The following C10orf90 variants were observed in gnomAD, a reference collection of about 807,000 sequenced individuals.
The protein encoded by C10orf90 is chromosome 10 open reading frame 90, also known as (E2-independent) E3 ubiquitin-conjugating enzyme FATS.
A neutral mutation model predicts 62.5 loss-of-function variants in C10orf90; 56 were observed. That is an observed-to-expected ratio of 0.90 (90% CI 0.72 to 1.12). The LOEUF (loss-of-function observed/expected upper bound fraction) is 1.12. Among genes scored for constraint, C10orf90 ranks in the 50% most tolerant of loss-of-function variants. C10orf90 has a pLI of 0.00. For missense variants in C10orf90, 970 were observed against 880.4 expected (o/e 1.10, Z -1.29); for synonymous variants, 386 against 340.4 (o/e 1.13, Z -1.47).
chr10:126,523,507 A>G (rs1863837772), intron 2 of C10orf90: 1 of 152,186 alleles, frequency 6.6e-6, no homozygotes, highest in Non-Finnish European at 1.5e-5. Flanking sequence ...ACATAAAGAG[A>G]TATTTTTCCA....
chr10:126,565,320 ATTATATATTTATATT>A (rs1844343019), intron 2 of C10orf90, among the ~76,000 whole-genome samples: 1 of 59,504 alleles, frequency 1.7e-5, no homozygotes, highest in Non-Finnish European at 2.8e-5. Flanking sequence ...TATTATATAT[ATTATATATTTATATT>A]ATATATAATA....
chr10:126,643,778 G>A (rs1453461529), intron 2 of C10orf90, among the ~76,000 whole-genome samples: 1 of 152,148 alleles, frequency 6.6e-6, no homozygotes, highest in African/African-American at 2.4e-5. Flanking sequence ...TCTGTTCTCT[G>A]GGTTTCCCAA....
chr10:126,494,300 A>G (rs1199591812), intron 4 of C10orf90, among the ~76,000 whole-genome samples: 1 of 152,134 alleles, frequency 6.6e-6, no homozygotes, highest in Non-Finnish European at 1.5e-5. Flanking sequence ...GTATTTATAA[A>G]TGGGAAAGGT....
rs546479205 is a variant in C10orf90 at position 126,523,199 on chromosome 10, C to A, written c.314-9260G>T. 1.8e-4 allele frequency among the ~76,000 whole-genome samples: 27 copies of A among 152,276 alleles called. 1 individual carries two copies. The highest frequency in any genetic ancestry group is 5.8e-4 in the African/African-American group (24 of 41,550). ...AGCACAGTCTTCTGGCCCTTGGCAGCCAGGGTGGGTTGTTCCAGCTTTGCT... is the reference window on the plus strand; with the variant it reads ...AGCACAGTCTTCTGGCCCTTGGCAGACAGGGTGGGTTGTTCCAGCTTTGCT... On this transcript the variant is annotated intron_variant, in intron 2 of 9. Coordinates refer to ENST00000488181, the MANE Select transcript of C10orf90 (RefSeq NM_001350921.2).
intron 2 of C10orf90, among the ~76,000 whole-genome samples, chr10:126,643,731 G>T (rs1163463543): frequency 6.6e-6 from 1 of 152,140 alleles, no homozygotes; most frequent in Non-Finnish European, 1.5e-5. Context: ...TACAATAGTG[G>T]GTTTCTGGTC....
intron 2 of C10orf90, among the ~76,000 whole-genome samples, chr10:126,640,014 C>T (rs142298063): frequency 2.6e-4 from 40 of 152,282 alleles, no homozygotes; most frequent in East Asian, 2.1e-3. Flanking sequence ...TGGCAAGGGC[C>T]GGATGGTCTA....
chr10:126,511,083 C>T (rs906106727), intron 3 of C10orf90, among the ~76,000 whole-genome samples: 1 of 152,232 alleles, frequency 6.6e-6, no homozygotes, highest in Non-Finnish European at 1.5e-5. Flanking sequence ...AACCTGCCTT[C>T]CTCCATTGAG....
chr10:126,617,606 A>T (rs1845567030), intron 2 of C10orf90, among the ~76,000 whole-genome samples: 1 of 152,204 alleles, frequency 6.6e-6, no homozygotes, highest in African/African-American at 2.4e-5. Flanking sequence ...CCCTCAATTC[A>T]TTCTCTGCAA....
At chr10:126,470,888 C>T (rs1315038149) in intron 4 of C10orf90, among the ~76,000 whole-genome samples, 6 of 151,944 alleles carry the variant, frequency 3.9e-5, no homozygotes, top group Non-Finnish European at 7.4e-5. Context: ...CTGGTTAAGG[C>T]TTCAACTTTT....
chr10:126,490,031 A>G (rs1363828808), intron 4 of C10orf90, among the ~76,000 whole-genome samples: 112 of 114,636 alleles, frequency 9.8e-4, no homozygotes, highest in African/African-American at 3.7e-3. Context: ...AATATATAAT[A>G]TATAATATAT....
chr10:126,610,395 G>T (rs1003239212), intron 2 of C10orf90, among the ~76,000 whole-genome samples: 2 of 152,196 alleles, frequency 1.3e-5, no homozygotes, highest in Non-Finnish European at 2.9e-5. Flanking sequence ...GAGCCCCAGG[G>T]CTCTGCAGTT....
At chr10:126,528,545 C>T (rs774036050) in intron 2 of C10orf90, among the ~76,000 whole-genome samples, 2 of 152,174 alleles carry the variant, frequency 1.3e-5, no homozygotes, top group Non-Finnish European at 2.9e-5. Flanking sequence ...GTTCTGAGAT[C>T]ATGAGAAACA....
At chr10:126,449,120 T>C (rs1858993775) in intron 7 of C10orf90, among the ~76,000 whole-genome samples, 1 of 152,158 alleles carries the variant, frequency 6.6e-6, no homozygotes, top group African/African-American at 2.4e-5. Context: ...CTGATGAACA[T>C]AGATGCAAAA....
At position 126,428,040 on chromosome 10, in the gene C10orf90, C is replaced by T. The variant is rs370105254; in HGVS notation, c.2252+1747G>A. On this transcript the variant is annotated intron_variant, in intron 8 of 9. Coordinates refer to ENST00000488181, the MANE Select transcript of C10orf90 (RefSeq NM_001350921.2). ...CCAAATAAATCATGGTCCATCTATA[C>T]GATGGACCACTCTGCAGACAGTCAA... is the stretch of plus-strand genomic sequence containing the variant. Among the ~76,000 whole-genome samples, 213 of 152,196 alleles carry T rather than the reference C, an allele frequency of 1.4e-3. 2 individuals are homozygous for T. In the South Asian group the frequency reaches 0.022, roughly 15 times the overall value.
rs1387680235 is a variant in C10orf90 at position 126,425,999 on chromosome 10, A to G, written c.2344T>C (p.Phe782Leu). The change falls in exon 9 of 10, where the codon TTC becomes CTC. Residue 782 changes from phenylalanine (F) to leucine (L), a missense_variant. By Grantham distance (22) the Phe-to-Leu change is conservative. Coordinates refer to ENST00000488181, the MANE Select transcript of C10orf90 (RefSeq NM_001350921.2). ...LQSNRLRAEV[F>L]KKQLLDQLLQ... ...GGTGACGAGGCCATTACCTTTTTGA[A>G]GACTTCGGCACGGAGTCTGTTACTT... The G allele has an allele frequency of 2.5e-6, 4 of 1,614,158 alleles. No individual in the cohort carries two copies. The South Asian group carries it at 3.3e-5, about 13-fold the overall frequency.
intron 2 of C10orf90, among the ~76,000 whole-genome samples, chr10:126,531,932 T>TA (rs935452708): frequency 6.6e-6 from 1 of 152,128 alleles, no homozygotes; most frequent in Non-Finnish European, 1.5e-5. Context: ...AATTTAATAA[T>TA]AAAAAGACAA....
At chr10:126,655,981 T>G (rs1405509069) in intron 1 of C10orf90, among the ~76,000 whole-genome samples, 1 of 152,196 alleles carries the variant, frequency 6.6e-6, no homozygotes, top group Non-Finnish European at 1.5e-5. Flanking sequence ...CTGTGATTTT[T>G]TTCAGCCAGA....
chr10:126,430,756 T>G (rs1265009569), intron 7 of C10orf90, among the ~76,000 whole-genome samples: 1 of 152,110 alleles, frequency 6.6e-6, no homozygotes, highest in East Asian at 1.9e-4. Flanking sequence ...AGAGTTGGAG[T>G]GGGGCTCCTG....
chr10:126,489,515 C>T (rs902568420), intron 4 of C10orf90, among the ~76,000 whole-genome samples: 4 of 152,100 alleles, frequency 2.6e-5, no homozygotes, highest in African/African-American at 9.7e-5. Flanking sequence ...ATCAAAACCA[C>T]AATGAGATAA....
Sources: allele counts gnomAD v4.1 joint callset (sites outside exome capture counted in the v4.1 genomes callset), GRCh38; gene constraint gnomAD v4.1.1; transcripts MANE v1.5; gene names NCBI Gene and HGNC (gene_info 2026-07-23, HGNC 2026-07-21).